Variants in VPS35L observed in about 807,000 individuals in gnomAD.
VPS35L encodes the protein VPS35 endosomal protein-sorting factor-like.
In VPS35L, 83 loss-of-function variants were observed where a neutral mutation model predicts 133.0. The observed-to-expected ratio is 0.62, with a 90% CI of 0.52 to 0.75. VPS35L has a LOEUF of 0.75. Among genes scored for constraint, VPS35L ranks in the 30% least tolerant of loss-of-function variants. The pLI, the probability that VPS35L is intolerant of heterozygous loss-of-function variation, is 0.00. For synonymous variants in VPS35L, 423 were observed against 449.9 expected, an observed-to-expected ratio of 0.94 and a Z score of 0.76; for missense variants, 1,083 against 1,206.8, an observed-to-expected ratio of 0.90 and a Z score of 1.52.
intron 1 of VPS35L, among the ~76,000 whole-genome samples, chr16:19,557,424 C>T (rs1009056896): frequency 2.6e-5 from 4 of 152,154 alleles, no homozygotes; most frequent in Non-Finnish European, 2.9e-5. Context: ...GACGGAGTCT[C>T]GCCCAGGCTT....
At chr16:19,606,014 A>C (rs1008986052) in intron 9 of VPS35L, among the ~76,000 whole-genome samples, 1 of 152,246 alleles carries the variant, frequency 6.6e-6, no homozygotes, top group East Asian at 1.9e-4. Context: ...AAGATTTTAA[A>C]GTCCCACGTA....
intron 12 of VPS35L, among the ~76,000 whole-genome samples, chr16:19,614,714 C>T (rs989051624): frequency 1.3e-5 from 2 of 152,082 alleles, no homozygotes; most frequent in Admixed American, 6.6e-5. Context: ...GCCCAGCCTA[C>T]GAAGTTGTTT....
At chr16:19,593,076 C>T (rs1972094497) in intron 8 of VPS35L, among the ~76,000 whole-genome samples, 1 of 152,162 alleles carries the variant, frequency 6.6e-6, no homozygotes, top group Non-Finnish European at 1.5e-5. Flanking sequence ...CACACACCAC[C>T]TCACAGGTAG....
At chr16:19,588,355 T>C (rs1371074450) in intron 7 of VPS35L, among the ~76,000 whole-genome samples, 1 of 151,324 alleles carries the variant, frequency 6.6e-6, no homozygotes, top group Admixed American at 6.6e-5. Flanking sequence ...CCCGGCTGAT[T>C]TTTGTATTTT....
intron 14 of VPS35L, chr16:19,617,608 A>T (rs1005078756): frequency 3.9e-5 from 6 of 152,146 alleles, no homozygotes; most frequent in African/African-American, 1.4e-4. Flanking sequence ...ATTGTCAGGA[A>T]TTGAAGTGAC....
chr16:19,574,026 T>C (rs1402552261), intron 4 of VPS35L, among the ~76,000 whole-genome samples: 1 of 152,078 alleles, frequency 6.6e-6, no homozygotes, highest in Admixed American at 6.6e-5. Flanking sequence ...ACTTGGCAAA[T>C]TGCTGTGGAA....
Position 19,581,898 on chromosome 16 carries a change from C to G in VPS35L, c.639+245C>G, listed in dbSNP as rs186249223. 354 of 530,036 alleles carry G rather than the reference C, an allele frequency of 6.7e-4. 1 individual carries two copies. The highest frequency in any genetic ancestry group is 6.0e-3 in the African/African-American group (313 of 52,536). The allele number at this position is 530,036 out of a possible 1,614,324, so 32.8% of individuals were successfully genotyped here. On this transcript the variant is annotated intron_variant, in intron 7 of 30. Coordinates refer to ENST00000417362, the MANE Select transcript of VPS35L (RefSeq NM_020314.7). ...GCACAACTCCAGGAAGCACTCTTCA[C>G]CCTAGGTTACAGAACTGATGATACC... is the stretch of plus-strand genomic sequence containing the variant.
chr16:19,679,171 G>A (rs947896666), intron 27 of VPS35L, among the ~76,000 whole-genome samples: 6 of 151,924 alleles, frequency 3.9e-5, no homozygotes, highest in African/African-American at 1.4e-4. Flanking sequence ...GGGCGGGGAG[G>A]TTCCCAGCTG....
intron 23 of VPS35L, among the ~76,000 whole-genome samples, chr16:19,645,238 C>T (rs548276225): frequency 6.6e-6 from 1 of 150,708 alleles, no homozygotes. Context: ...AAGCAGCAGC[C>T]GGGCTCAGGG....
intron 14 of VPS35L, chr16:19,617,145 T>A (rs1320941543): frequency 5.4e-6 from 3 of 558,688 alleles, no homozygotes; most frequent in Non-Finnish European, 9.4e-6. Flanking sequence ...CACTTGATTT[T>A]AGGAGTTTGA....
intron 29 of VPS35L, among the ~76,000 whole-genome samples, chr16:19,695,715 G>T (rs1263674402): frequency 6.6e-6 from 1 of 151,996 alleles, no homozygotes; most frequent in African/African-American, 2.4e-5. Flanking sequence ...TACTCAGGAG[G>T]CTGAGGTGGG....
intron 28 of VPS35L, among the ~76,000 whole-genome samples, chr16:19,689,287 T>C (rs1474380531): frequency 1.3e-5 from 2 of 151,818 alleles, no homozygotes; most frequent in Non-Finnish European, 2.9e-5. Context: ...TTTTTTTTTT[T>C]TGAGACAGAG....
intron 6 of VPS35L, 127 bp from the exon 7 acceptor site, chr16:19,581,398 C>A: frequency 9.1e-7 from 1 of 1,104,476 alleles, no homozygotes; most frequent in Non-Finnish European, 1.2e-6. Context: ...GCAAAGCTGT[C>A]AATCCTGGCG....
At chr16:19,652,284 C>T in intron 26 of VPS35L, 194 bp downstream of exon 26, 1 of 541,382 alleles carries the variant, frequency 1.8e-6, no homozygotes, top group South Asian at 2.1e-5. Context: ...TCAAGCAGTC[C>T]TCCTGAGTAG....
At chr16:19,692,287 G>A (rs866624372) in intron 29 of VPS35L, among the ~76,000 whole-genome samples, 3 of 152,132 alleles carry the variant, frequency 2.0e-5, no homozygotes, top group Admixed American at 6.5e-5. Context: ...CCCGGCCTGC[G>A]GCAGATGCTC....
At chr16:19,589,012 T>G (rs983325026) in intron 7 of VPS35L, among the ~76,000 whole-genome samples, 2 of 152,238 alleles carry the variant, frequency 1.3e-5, no homozygotes, top group African/African-American at 4.8e-5. Flanking sequence ...TTGCAGTTCC[T>G]CGATTACTAA....
chr16:19,587,208 T>C (rs1481607902), intron 7 of VPS35L, among the ~76,000 whole-genome samples: 1 of 152,206 alleles, frequency 6.6e-6, no homozygotes, highest in Non-Finnish European at 1.5e-5. Flanking sequence ...ATGGTTCAGT[T>C]ACCTCCCACC....
chr16:19,569,815 C>T (rs1026863160), intron 3 of VPS35L, among the ~76,000 whole-genome samples: 4 of 150,950 alleles, frequency 2.6e-5, no homozygotes, highest in African/African-American at 9.7e-5. Flanking sequence ...ATTATAGGTA[C>T]ACACTACTGT....
rs752231877 is a variant in VPS35L, at chr16:19,682,405, C to T, written c.2527+15C>T. ...CATAGACAAAGGTAGCAGAGCCTCC[C>T]CCACCAAACCATGCTCCGCATGGAT... On this transcript the variant is annotated intron_variant, in intron 28 of 30. Transcript: ENST00000417362. The T allele has an allele frequency of 1.7e-5, 27 of 1,611,244 alleles. No individual in the cohort carries two copies. Among genetic ancestry groups the T allele is most frequent in the Non-Finnish European group, 2.2e-5 (26 of 1,178,130 alleles).
Sources: allele counts gnomAD v4.1 joint callset (sites outside exome capture counted in the v4.1 genomes callset), GRCh38; gene constraint gnomAD v4.1.1; transcripts MANE v1.5; gene names NCBI Gene and HGNC (gene_info 2026-07-23, HGNC 2026-07-21).